The following PARP10 variants were observed in gnomAD, a reference collection of about 807,000 sequenced individuals.
PARP10 encodes protein mono-ADP-ribosyltransferase PARP10.
PARP10 carries 56 observed loss-of-function variants against 82.4 expected under a neutral mutation model. The ratio of observed to expected loss-of-function variants is 0.68; its 90% CI spans 0.55 to 0.85. The LOEUF (loss-of-function observed/expected upper bound fraction) is 0.85, where lower values mean the gene tolerates loss of function less well. PARP10 is among the 40% of genes least tolerant of loss of function. PARP10 has a pLI of 0.00. For synonymous variants in PARP10, 576 were observed against 601.1 expected (o/e 0.96, Z 0.61); for missense variants, 1,227 against 1,379.4 (o/e 0.89, Z 1.75).
chr8:143,994,259 G>C (rs1002940081), upstream of PARP10, among the ~76,000 whole-genome samples: 1 of 152,194 alleles, frequency 6.6e-6, no homozygotes, highest in African/African-American at 2.4e-5. Flanking sequence ...GCAGTTGTGG[G>C]GTGCCCAGAG....
At position 143,986,434 on chromosome 8, in the gene PARP10, C is replaced by A; in HGVS notation, c.-75G>T. Reference sequence around the variant, plus strand: ...TGTGCCTGCCCCTCAGCAAGCCTAACCCTGCTGGGAGCAGGAAAACAAAAG... The same window carrying A: ...TGTGCCTGCCCCTCAGCAAGCCTAAACCTGCTGGGAGCAGGAAAACAAAAG... On this transcript the variant is annotated 5_prime_UTR_variant, in exon 1 of 11. Coordinates refer to ENST00000313028, the MANE Select transcript of PARP10 (RefSeq NM_032789.5). 1 of 1,611,380 alleles carries A rather than the reference C, an allele frequency of 6.2e-7. No homozygotes were observed. The highest frequency in any genetic ancestry group is 8.5e-7 in the Non-Finnish European group (1 of 1,177,718).
upstream of PARP10, chr8:143,991,084 C>G: frequency 1.7e-6 from 1 of 601,492 alleles, no homozygotes. Flanking sequence ...GGGCAAAGGT[C>G]ACGGTCTTCC....
In PARP10 at chr8:143,977,713, G is replaced by T; in HGVS notation, c.2849C>A (p.Thr950Asn). The T allele has an allele frequency of 6.3e-7, 1 of 1,595,956 alleles. No homozygotes were observed. The highest frequency in any genetic ancestry group is 8.5e-7 in the Non-Finnish European group (1 of 1,172,070). ...GCGGCGGCCCTGCCCGTAGTCGCCAGTCAGCACCCGTGCCACGAACACCGC... is the reference window on the plus strand; with the variant it reads ...GCGGCGGCCCTGCCCGTAGTCGCCATTCAGCACCCGTGCCACGAACACCGC... ...HKAVFVARVL[T>N]GDYGQGRRGL... The change falls in exon 11 of 11, where the codon ACT (threonine) becomes AAT (asparagine). Residue 950 changes from threonine to asparagine, a missense_variant. Transcript: ENST00000313028.
upstream of PARP10, chr8:143,993,276 C>A: frequency 4.6e-6 from 1 of 215,698 alleles, no homozygotes; most frequent in South Asian, 7.3e-5. Flanking sequence ...GAGTGCTGCC[C>A]TCTGGGGACA....
intron 9 of PARP10, among the ~76,000 whole-genome samples, chr8:143,979,209 G>A (rs1026624808): frequency 7.2e-5 from 11 of 151,968 alleles, no homozygotes; most frequent in Admixed American, 6.6e-5. Context: ...TCCTGACCTC[G>A]TGATCCGCCC....
At chr8:143,979,163 A>C (rs1329866747) in intron 9 of PARP10, among the ~76,000 whole-genome samples, 2 of 151,844 alleles carry the variant, frequency 1.3e-5, no homozygotes, top group Admixed American at 6.6e-5. Flanking sequence ...TTAGTAGAGA[A>C]GGGGTTTCAC....
intron 1 of PARP10, among the ~76,000 whole-genome samples, chr8:143,997,605 C>T (rs1300052857): frequency 1.3e-5 from 2 of 152,108 alleles, no homozygotes. Context: ...TAATGTCATT[C>T]CCCTGCTTAA....
upstream of PARP10, among the ~76,000 whole-genome samples, chr8:143,987,928 G>T (rs1834021181): frequency 6.6e-6 from 1 of 150,860 alleles, no homozygotes; most frequent in Non-Finnish European, 1.5e-5. Flanking sequence ...TTGAGGACCT[G>T]CCCCCTGCCC....
chr8:144,000,298 A>G (rs1834192909), intron 1 of PARP10, among the ~76,000 whole-genome samples: 2 of 152,136 alleles, frequency 1.3e-5, no homozygotes, highest in South Asian at 4.1e-4. Context: ...TAAAACGGGG[A>G]AATTTGACCA....
rs1044216032 is a variant in PARP10 at position 143,986,089 on chromosome 8, G to A, written c.147C>T (p.Gly49=). The change falls in exon 2 of 11, where the codon GGC becomes GGT. Residue 49 remains glycine (G), a synonymous_variant. Transcript: ENST00000313028. ...GGPVLSWQRL[G]CGGVLTFREP... ...CTCTGAAGGTGAGGACGCCCCCACA[G>A]CCCAGTCTCTGCCAGCTCAACACAG... is the stretch of plus-strand genomic sequence containing the variant. 8 of 1,614,058 alleles carry A rather than the reference G, an allele frequency of 5.0e-6. No homozygotes were observed. The highest frequency in any genetic ancestry group is 1.6e-4 in the Middle Eastern group (1 of 6,062).
chr8:144,012,632 A>G, exon 1 of PARP10: 2 of 1,551,734 alleles, frequency 1.3e-6, no homozygotes, highest in South Asian at 2.4e-5. Flanking sequence ...AGCTCAAGTC[A>G]GCGATCAAGA....
chr8:144,008,414 G>A lies in PARP10; in HGVS notation c.-80+4116C>T, dbSNP rs534661651. Among the ~76,000 whole-genome samples, 39 of 152,340 alleles carry A rather than the reference G, an allele frequency of 2.6e-4. 1 individual carries two copies. In the South Asian group the frequency reaches 4.6e-3, roughly 18 times the overall value. ...GCCTTGCCAAGCTGAAATGCTGAGC[G>A]GAATCAAATGAGGCAAATTTGAATG... On this transcript the variant is annotated intron_variant, in intron 1 of 3. Transcript: ENST00000530478. This position sits in a 1 kb window ranked among gnomAD's most constrained non-coding sequence, Gnocchi z 4.0.
rs782431892 is a variant in PARP10, at chr8:143,986,231, A to AC, written c.4dup (p.Val2GlyfsTer31). On this transcript the variant is annotated frameshift_variant and splice_region_variant, in exon 2 of 11. Coordinates refer to ENST00000313028, the MANE Select transcript of PARP10 (RefSeq NM_032789.5). LOFTEE classifies it high-confidence loss of function. ...CCCTGCCTCTGCCTCCGCCATTGCA[A>AC]CCCTGGGACGGGGCATCAGGTGGGT... 5.0e-6 allele frequency: 8 copies of AC among 1,613,646 alleles called. No homozygotes were observed. Among genetic ancestry groups the AC allele is most frequent in the Non-Finnish European group, 6.8e-6 (8 of 1,179,826 alleles).
Position 143,984,905 on chromosome 8 carries a change from C to T in PARP10, c.1097G>A (p.Arg366Lys), listed in dbSNP as rs1354922343. ...CTCCTGTTCCTGCAACCCCACAGGC[C>T]TCAGGCTTACCAGCCCCTCATGTTC... ...SLEHEGLVSL[R>K]PVGLQEQEGP... The change falls in exon 5 of 11, where the codon AGG becomes AAG. Residue 366 changes from arginine (R) to lysine (K), a missense_variant. Arg to Lys is a conservative substitution (Grantham distance 26). Transcript: ENST00000313028. 6.2e-7 allele frequency: 1 copy of T among 1,613,886 alleles called. No individual in the cohort carries two copies. The highest frequency in any genetic ancestry group is 1.3e-5 in the African/African-American group (1 of 74,910).
intron 9 of PARP10, among the ~76,000 whole-genome samples, chr8:143,978,995 G>T: frequency 6.7e-6 from 1 of 150,266 alleles, no homozygotes; most frequent in African/African-American, 2.4e-5. Flanking sequence ...TTCTTTGAGA[G>T]GGAGTCTGGC....
In PARP10 at chr8:143,984,644, C is replaced by G. The variant is rs782477992; in HGVS notation, c.1358G>C (p.Gly453Ala). 6.2e-7 allele frequency: 1 copy of G among 1,614,082 alleles called. No individual in the cohort carries two copies. The highest frequency in any genetic ancestry group is 8.5e-7 in the Non-Finnish European group (1 of 1,179,976). The change falls in exon 5 of 11, where the codon GGG becomes GCG. Residue 453 changes from glycine to alanine, a missense_variant. Transcript: ENST00000313028. Reference sequence around the variant, plus strand: ...GTAGAGCTGCAGGAAGCGCATCGCCCCTGGCTCCATCAATAGCACCATCTC... The same window carrying G: ...GTAGAGCTGCAGGAAGCGCATCGCCGCTGGCTCCATCAATAGCACCATCTC... ...LVEMVLLMEP[G>A]AMRFLQLYHE... is the part of the protein sequence containing the mutation.
chr8:143,979,387 G>A (rs1218372058), intron 9 of PARP10, among the ~76,000 whole-genome samples: 1 of 152,068 alleles, frequency 6.6e-6, no homozygotes, highest in Non-Finnish European at 1.5e-5. Context: ...AACCATGGGG[G>A]GATATTTTTT....
At chr8:143,980,059 C>T (rs1243092588) in intron 9 of PARP10, among the ~76,000 whole-genome samples, 3 of 146,840 alleles carry the variant, frequency 2.0e-5, no homozygotes, top group African/African-American at 2.5e-5. Flanking sequence ...CGGTGGCTCA[C>T]GCCTGTAATC....
chr8:143,987,597 A>T (rs1489566667), upstream of PARP10, among the ~76,000 whole-genome samples: 1 of 152,160 alleles, frequency 6.6e-6, no homozygotes. Context: ...AACAGTAGAA[A>T]CCAAAGTCCT....
Sources: gnomAD v4.1 joint callset for allele counts (sites outside exome capture counted in the v4.1 genomes callset) on GRCh38, gnomAD v4.1.1 for gene constraint, Gnocchi (gnomAD v3.1) non-coding constraint, MANE v1.5 for transcripts, NCBI Gene and HGNC (gene_info 2026-07-23, HGNC 2026-07-21) for gene names.